The following GRM5 variants were observed in gnomAD, a reference collection of about 807,000 sequenced individuals.
GRM5 encodes the protein glutamate metabotropic receptor 5.
Under a neutral mutation model 83.1 loss-of-function variants are expected in GRM5, and 19 were observed. The observed-to-expected ratio is 0.23, with a 90% CI of 0.16 to 0.34. The LOEUF (loss-of-function observed/expected upper bound fraction) is 0.34, where lower values mean the gene tolerates loss of function less well. Ranked by LOEUF, GRM5 falls within the 10% of genes least tolerant of loss-of-function variation. GRM5 has a pLI of 1.00. For missense variants in GRM5, 1,160 were observed against 1,588.3 expected (o/e 0.73, Z 4.58); for synonymous variants, 675 against 633.6 (o/e 1.07, Z -0.98).
chr11:88,576,449 A>C (rs1943111590), intron 7 of GRM5, among the ~76,000 whole-genome samples: 1 of 152,216 alleles, frequency 6.6e-6, no homozygotes. Flanking sequence ...CCTGGCACAC[A>C]ATAGGCAGTT....
At chr11:88,702,411 CG>C (rs892303746) in intron 3 of GRM5, among the ~76,000 whole-genome samples, 1 of 152,068 alleles carries the variant, frequency 6.6e-6, no homozygotes, top group African/African-American at 2.4e-5. Context: ...AGTCCTGCTT[CG>C]CTCAGCTCTC....
chr11:88,633,086 A>G (rs577477380), intron 4 of GRM5, among the ~76,000 whole-genome samples: 28 of 152,322 alleles, frequency 1.8e-4, no homozygotes, highest in African/African-American at 6.7e-4. Context: ...GAGATGCTCA[A>G]TATCAGTAAT....
chr11:88,764,524 G>C (rs758962609), intron 3 of GRM5, among the ~76,000 whole-genome samples: 5 of 151,550 alleles, frequency 3.3e-5, no homozygotes, highest in Non-Finnish European at 7.4e-5. Context: ...CTACAAAAGA[G>C]TGAAATTAGA....
At chr11:88,956,458 T>C (rs982721016) in intron 2 of GRM5, among the ~76,000 whole-genome samples, 1 of 152,222 alleles carries the variant, frequency 6.6e-6, no homozygotes, top group African/African-American at 2.4e-5. Flanking sequence ...ATTACATTGT[T>C]CCTATTCTCA....
At chr11:88,649,021 A>G (rs2135299232) in intron 4 of GRM5, among the ~76,000 whole-genome samples, 1 of 147,344 alleles carries the variant, frequency 6.8e-6, no homozygotes, top group African/African-American at 2.5e-5. Flanking sequence ...ACCAAAGTTC[A>G]TTATGGTCAT....
chr11:88,971,877 G>A (rs1939174071), intron 2 of GRM5, among the ~76,000 whole-genome samples: 1 of 152,090 alleles, frequency 6.6e-6, no homozygotes, highest in Admixed American at 6.6e-5. Flanking sequence ...TGACTCCAGG[G>A]CTGAGGCAGG....
At chr11:88,937,762 T>C (rs1267189410) in intron 2 of GRM5, among the ~76,000 whole-genome samples, 3 of 151,632 alleles carry the variant, frequency 2.0e-5, no homozygotes, top group Non-Finnish European at 4.4e-5. Flanking sequence ...GACTGCAGAA[T>C]AGAAGCAGAA....
intron 3 of GRM5, among the ~76,000 whole-genome samples, chr11:88,776,059 C>T (rs11529107): frequency 0.64 from 97,198 of 151,800 alleles, 31,899 homozygotes; most frequent in Non-Finnish European, 0.73. Context: ...CTCCCATTAT[C>T]ATTGTGTGGG....
chr11:88,746,905 C>G (rs1591484898), intron 3 of GRM5, among the ~76,000 whole-genome samples: 1 of 152,080 alleles, frequency 6.6e-6, no homozygotes, highest in South Asian at 2.1e-4. Context: ...TGAAGCATAT[C>G]GTTTAGACCT....
At chr11:88,764,694 T>C (rs1170229882) in intron 3 of GRM5, among the ~76,000 whole-genome samples, 7 of 151,646 alleles carry the variant, frequency 4.6e-5, no homozygotes, top group Non-Finnish European at 1.5e-5. Flanking sequence ...AATTATGGGA[T>C]GCAGCAAAAG....
At chr11:88,991,092 A>G (rs1490363718) in intron 2 of GRM5, among the ~76,000 whole-genome samples, 1 of 152,220 alleles carries the variant, frequency 6.6e-6, no homozygotes, top group African/African-American at 2.4e-5. Context: ...TGCAGACGAC[A>G]TGATTGTGTA....
intron 8 of GRM5, among the ~76,000 whole-genome samples, chr11:88,540,187 C>T (rs969601266): frequency 7.9e-5 from 12 of 152,190 alleles, no homozygotes; most frequent in African/African-American, 2.2e-4. Flanking sequence ...TAATTCATTC[C>T]GTTTGCCACC....
intron 2 of GRM5, among the ~76,000 whole-genome samples, chr11:88,898,383 A>G (rs1409219387): frequency 6.6e-6 from 1 of 151,934 alleles, no homozygotes; most frequent in African/African-American, 2.4e-5. Flanking sequence ...GGGCATTTGG[A>G]CTTTCACATC....
intron 2 of GRM5, among the ~76,000 whole-genome samples, chr11:88,878,260 C>G (rs747420264): frequency 1.2e-4 from 19 of 152,178 alleles, no homozygotes; most frequent in Non-Finnish European, 5.9e-5. Flanking sequence ...CCAAATATTT[C>G]TGCCCATTGC....
intron 8 of GRM5, among the ~76,000 whole-genome samples, chr11:88,564,515 G>A (rs61901967): frequency 0.21 from 31,697 of 152,086 alleles, 3,430 homozygotes; most frequent in Non-Finnish European, 0.24. Flanking sequence ...AGAGACTGAT[G>A]ACCACAGGAG....
intron 2 of GRM5, among the ~76,000 whole-genome samples, chr11:88,880,712 G>T (rs2135572552): frequency 6.6e-6 from 1 of 152,234 alleles, no homozygotes. Flanking sequence ...ATCCTATCGG[G>T]AAATCTTAAG....
intron 4 of GRM5, among the ~76,000 whole-genome samples, chr11:88,606,869 A>AAG (rs397849198): frequency 1.3e-5 from 2 of 151,940 alleles, no homozygotes; most frequent in Non-Finnish European, 2.9e-5. Context: ...TAAAAAAAAA[A>AAG]TAGGTGAAAG....
At chr11:88,702,344 T>C (rs1419476989) in intron 3 of GRM5, among the ~76,000 whole-genome samples, 2 of 152,078 alleles carry the variant, frequency 1.3e-5, no homozygotes, top group African/African-American at 4.8e-5. Context: ...GAGTTTCAAA[T>C]GGTCAGTGAA....
At chr11:88,843,368 G>T (rs781513520) in intron 3 of GRM5, among the ~76,000 whole-genome samples, 1 of 151,192 alleles carries the variant, frequency 6.6e-6, no homozygotes, top group Non-Finnish European at 1.5e-5. Context: ...ATCAAATCAG[G>T]GTAATAAACG....
Sources: allele counts gnomAD v4.1 joint callset (sites outside exome capture counted in the v4.1 genomes callset), GRCh38; gene constraint gnomAD v4.1.1; transcripts MANE v1.5; gene names NCBI Gene and HGNC (gene_info 2026-07-23, HGNC 2026-07-21).